ECE1: variants seen among roughly 807,000 people sequenced by gnomAD.
ECE1 encodes the protein endothelin converting enzyme 1.
In ECE1, 35 loss-of-function variants were observed where a neutral mutation model predicts 98.6. That is an observed-to-expected ratio of 0.35 (90% CI 0.27 to 0.47). The LOEUF (loss-of-function observed/expected upper bound fraction) is 0.47, where lower values mean the gene tolerates loss of function less well. Ranked by LOEUF, ECE1 falls within the 20% of genes least tolerant of loss-of-function variation. The pLI is 1.00. For synonymous variants in ECE1, 394 were observed against 407.1 expected, an observed-to-expected ratio of 0.97 and a Z score of 0.39; for missense variants, 814 against 1,025.3, an observed-to-expected ratio of 0.79 and a Z score of 2.81.
intron 4 of ECE1, among the ~76,000 whole-genome samples, chr1:21,263,487 G>A (rs1186516214): frequency 6.6e-6 from 1 of 151,976 alleles, no homozygotes; most frequent in Non-Finnish European, 1.5e-5. Flanking sequence ...CTCCCGAGTA[G>A]CTGGGACTAC....
intron 18 of ECE1, 101 bp downstream of exon 18, chr1:21,221,646 G>T: frequency 8.1e-7 from 1 of 1,237,214 alleles, no homozygotes; most frequent in Non-Finnish European, 1.2e-6. Context: ...GACTTGGGAA[G>T]TTCTCAATCT....
intron 15 of ECE1, among the ~76,000 whole-genome samples, chr1:21,227,685 G>A (rs2098176078): frequency 6.6e-6 from 1 of 152,150 alleles, no homozygotes; most frequent in South Asian, 2.1e-4. Flanking sequence ...TTGTCAGAGG[G>A]GCGTTTCCCT....
rs2098225858 is a variant in ECE1, at chr1:21,260,832, A to C, written c.494-440T>G. On this transcript the variant is annotated intron_variant, in intron 4 of 18. Transcript: ENST00000374893. The surrounding 1 kb of genome is among the most constrained non-coding windows in gnomAD (Gnocchi z 4.3). The stretch of plus-strand genomic sequence containing the variant: ...AAAGACTGAAGTTGGATGGAAACTC[A>C]AAAGGCTCATTCATTATGAATTTAC... Among the ~76,000 whole-genome samples, 2 of 152,204 alleles carry C rather than the reference A, an allele frequency of 1.3e-5. No individual in the cohort carries two copies. Among genetic ancestry groups the C allele is most frequent in the South Asian group, 4.1e-4 (2 of 4,836 alleles).
chr1:21,247,330 GA>G lies in ECE1; in HGVS notation c.1053del (p.Leu352SerfsTer43). ...TCCACGGGGTAGAAGATGGTGTTGAGAAAAGGCAACCAGTTGATGGCGGGTG... is the reference window on the plus strand; with the variant it reads ...TCCACGGGGTAGAAGATGGTGTTGAGAAAGGCAACCAGTTGATGGCGGGTG... ...TLAPAINWLP[F>X]LNTIFYPVEI... is the part of the protein sequence containing the mutation. On this transcript the variant is annotated frameshift_variant, in exon 9 of 19. Transcript: ENST00000374893. LOFTEE classifies it high-confidence loss of function. 6.2e-7 allele frequency: 1 copy of G among 1,614,260 alleles called. No homozygotes were observed. The highest frequency in any genetic ancestry group is 8.5e-7 in the Non-Finnish European group (1 of 1,180,048).
rs1553360775 is a variant in ECE1, at chr1:21,263,362, T to TTTA, written c.494-2971_494-2970insTAA. The stretch of plus-strand genomic sequence containing the variant: ...CTAAGGTTTCCTTTTTTTATATTTA[T>TTTA]TTTTTTTTTTTTTGAGACAGAGTCT... On this transcript the variant is annotated intron_variant, in intron 4 of 18. Transcript: ENST00000374893. Among the ~76,000 whole-genome samples, 34 of 83,488 alleles carry TTTA rather than the reference T, an allele frequency of 4.1e-4. No individual in the cohort carries two copies. In the East Asian group the frequency reaches 4.5e-3, roughly 11 times the overall value. The allele number at this position is 83,488 out of a possible 152,430, so 54.8% of individuals were successfully genotyped here.
At chr1:21,249,464 G>A (rs1384053233) in intron 8 of ECE1, among the ~76,000 whole-genome samples, 1 of 152,092 alleles carries the variant, frequency 6.6e-6, no homozygotes, top group Non-Finnish European at 1.5e-5. Flanking sequence ...GGGAGACTGA[G>A]GTGGGCAGAT....
At chr1:21,244,875 C>T (rs1036644062) in intron 10 of ECE1, 114 bp downstream of exon 10, 18 of 970,592 alleles carry the variant, frequency 1.9e-5, no homozygotes, top group South Asian at 4.0e-5. Flanking sequence ...GCACTCCTTC[C>T]GGAAGCTTCT....
At chr1:21,223,928 T>C (rs951260732) in intron 17 of ECE1, among the ~76,000 whole-genome samples, 1 of 152,170 alleles carries the variant, frequency 6.6e-6, no homozygotes, top group Non-Finnish European at 1.5e-5. Context: ...GGTTGAATCA[T>C]GTCATTCCTC....
At chr1:21,243,818 T>A (rs2098199681) in intron 10 of ECE1, among the ~76,000 whole-genome samples, 3 of 152,204 alleles carry the variant, frequency 2.0e-5, no homozygotes, top group Non-Finnish European at 4.4e-5. Flanking sequence ...AACCCACTGC[T>A]CCCGCTTTGT....
At chr1:21,280,056 C>G (rs1207550172) in intron 2 of ECE1, 1 of 152,370 alleles carries the variant, frequency 6.6e-6, no homozygotes, top group Non-Finnish European at 1.5e-5. Context: ...TCCAGCCTAA[C>G]AGTCTAGCTA....
chr1:21,252,439 G>A (rs2098214030), intron 8 of ECE1, among the ~76,000 whole-genome samples: 1 of 152,194 alleles, frequency 6.6e-6, no homozygotes. Flanking sequence ...AGTACTGTGG[G>A]TCACAAACCA....
At chr1:21,289,514 A>T (rs1376598657) in intron 2 of ECE1, among the ~76,000 whole-genome samples, 1 of 152,162 alleles carries the variant, frequency 6.6e-6, no homozygotes, top group East Asian at 1.9e-4. Context: ...TAGGCTGGAA[A>T]AGGGGCAGGG....
intron 1 of ECE1, among the ~76,000 whole-genome samples, chr1:21,309,818 G>T (rs1638678488): frequency 7.0e-6 from 1 of 142,152 alleles, no homozygotes; most frequent in Non-Finnish European, 1.5e-5. Flanking sequence ...TTGAGACGGA[G>T]TCTCGCTCTG....
Position 21,334,971 on chromosome 1 carries a change from T to A in ECE1, c.3+10405A>T, listed in dbSNP as rs1446159897. On this transcript the variant is annotated intron_variant, in intron 1 of 18. Transcript: ENST00000415912. ...AGCCCAGTCGCCCCTCAACGTGGGGTCCTCCAGTGGCTTCCCACCACTATT... is the reference window on the plus strand; with the variant it reads ...AGCCCAGTCGCCCCTCAACGTGGGGACCTCCAGTGGCTTCCCACCACTATT... 4.0e-5 allele frequency among the ~76,000 whole-genome samples: 6 copies of A among 151,498 alleles called. No individual in the cohort carries two copies. The East Asian group carries it at 7.8e-4, about 20-fold the overall frequency.
chr1:21,242,653 G>A (rs1445811763), intron 10 of ECE1, among the ~76,000 whole-genome samples: 3 of 152,164 alleles, frequency 2.0e-5, no homozygotes, highest in African/African-American at 7.2e-5. Context: ...CCCACTTCAG[G>A]GTTCCCACTT....
intron 8 of ECE1, among the ~76,000 whole-genome samples, chr1:21,249,465 G>A (rs186957361): frequency 9.7e-4 from 147 of 152,204 alleles, no homozygotes; most frequent in African/African-American, 3.4e-3. Context: ...GGAGACTGAG[G>A]TGGGCAGATC....
chr1:21,278,566 T>C (rs1410575431), intron 3 of ECE1, among the ~76,000 whole-genome samples: 1 of 152,234 alleles, frequency 6.6e-6, no homozygotes, highest in African/African-American at 2.4e-5. Context: ...CAAGTCACTC[T>C]ATCTCAGTGC....
At position 21,345,392 on chromosome 1, in the gene ECE1, C is replaced by T; in HGVS notation, c.-14G>A. On this transcript the variant is annotated 5_prime_UTR_variant, in exon 1 of 19. Transcript: ENST00000415912. The surrounding 1 kb of genome is among the most constrained non-coding windows in gnomAD (Gnocchi z 5.1). ...AGCACTCACCATAGCTCGCGTGCTC[C>T]GCCCCGGCTTCGCGCAGCTCCCCGC... The T allele has an allele frequency of 7.5e-7, 1 of 1,338,670 alleles. No individual in the cohort carries two copies. The highest frequency in any genetic ancestry group is 9.7e-7 in the Non-Finnish European group (1 of 1,034,594). 82.9% of individuals were successfully genotyped at this position (1,338,670 alleles called of 1,614,324 possible).
Position 21,258,895 on chromosome 1 carries a change from T to C in ECE1, c.616-56A>G. 8 of 1,606,958 alleles carry C rather than the reference T, an allele frequency of 5.0e-6. No homozygotes were observed. Among genetic ancestry groups the C allele is most frequent in the South Asian group, 1.1e-5 (1 of 90,404 alleles). ...ATGAGGTGGCGGGGAGACCCAGATG[T>C]GAATTCTGGTTCTGCCGCTGACTTG... is the stretch of plus-strand genomic sequence containing the variant. On this transcript the variant is annotated intron_variant, in intron 5 of 18. Coordinates refer to ENST00000374893, the MANE Select transcript of ECE1 (RefSeq NM_001397.3). This position sits in a 1 kb window ranked among gnomAD's most constrained non-coding sequence, Gnocchi z 4.2.
Sources: allele counts gnomAD v4.1 joint callset (sites outside exome capture counted in the v4.1 genomes callset), GRCh38; gene constraint gnomAD v4.1.1; non-coding constraint Gnocchi (gnomAD v3.1); transcripts MANE v1.5; gene names NCBI Gene and HGNC (gene_info 2026-07-23, HGNC 2026-07-21).